Variants in CDC6 observed in about 807,000 individuals in gnomAD.
CDC6 encodes DNA replication factor CDC6.
CDC6 carries 46 observed loss-of-function variants against 60.2 expected under a neutral mutation model. That is an observed-to-expected ratio of 0.76 (90% CI 0.60 to 0.98). The LOEUF is 0.98. Among genes scored for constraint, CDC6 ranks in the 50% least tolerant of loss-of-function variants. The probability of loss-of-function intolerance (pLI) is 0.00; values close to 1 mark genes in which losing one functional copy is unlikely to be tolerated. For synonymous variants in CDC6, 210 were observed against 233.2 expected (o/e 0.90, Z 0.90); for missense variants, 596 against 652.9 (o/e 0.91, Z 0.95).
Position 40,293,610 on chromosome 17 carries a change from C to T in CDC6, c.815C>T (p.Thr272Ile). 6.2e-7 allele frequency: 1 copy of T among 1,613,388 alleles called. No individual in the cohort carries two copies. The highest frequency in any genetic ancestry group is 1.1e-5 in the South Asian group (1 of 91,056). Reference sequence around the variant, plus strand: ...ATGAGGAAATTGGAAAAACATATGACTGCAGAGAAGGGCCCCATGATGTAA... The same window carrying T: ...ATGAGGAAATTGGAAAAACATATGATTGCAGAGAAGGGCCCCATGATGTAA... Reference protein sequence around the residue: ...DMMRKLEKHMTAEKGPMIVLV... With the variant: ...DMMRKLEKHMIAEKGPMIVLV... Residue 272 changes from threonine to isoleucine, a missense_variant, in exon 5 of 12, where the codon ACT (threonine) becomes ATT (isoleucine). Physicochemically the swap from Thr to Ile is moderately conservative, Grantham distance 89. Transcript: ENST00000209728.
chr17:40,289,352 A>G (rs2143066011), intron 1 of CDC6, 56 bp from the exon 2 acceptor site: 2 of 1,320,332 alleles, frequency 1.5e-6, no homozygotes, highest in East Asian at 4.6e-5. Flanking sequence ...CATGTTAGTT[A>G]TTTTCTCTTC....
Position 40,302,630 on chromosome 17 carries a change from A to C in CDC6, c.*629A>C, listed in dbSNP as rs564984580. On this transcript the variant is annotated 3_prime_UTR_variant, in exon 12 of 12. Coordinates refer to ENST00000209728, the MANE Select transcript of CDC6 (RefSeq NM_001254.4). ...CTTGGCCTCCCTAAGTGCTGGGATTATAGGCGTGAGCCACCATGCTCAGCC... is the reference window on the plus strand; with the variant it reads ...CTTGGCCTCCCTAAGTGCTGGGATTCTAGGCGTGAGCCACCATGCTCAGCC... 6.6e-6 allele frequency: 1 copy of C among 152,580 alleles called. No individual in the cohort carries two copies. The highest frequency in any genetic ancestry group is 2.1e-4 in the South Asian group (1 of 4,840). 9.5% of individuals were successfully genotyped at this position (152,580 alleles called of 1,614,324 possible).
chr17:40,303,672 T>C lies in CDC6; in HGVS notation c.*1671T>C, dbSNP rs2032966926. On this transcript the variant is annotated 3_prime_UTR_variant, in exon 12 of 12. Transcript: ENST00000209728. ...GTTCCCTCTGAAGGTAGTTTGAACATGGAAACACAGTTCTATACCTAGAAG... is the reference window on the plus strand; with the variant it reads ...GTTCCCTCTGAAGGTAGTTTGAACACGGAAACACAGTTCTATACCTAGAAG... The C allele has an allele frequency of 6.6e-6, 1 of 152,244 alleles. No homozygotes were observed. The highest frequency in any genetic ancestry group is 2.4e-5 in the African/African-American group (1 of 41,464). 9.4% of individuals were successfully genotyped at this position (152,244 alleles called of 1,614,324 possible). A position where few individuals can be genotyped will look rare whatever the true frequency, so the allele number is the denominator to read the frequency against.
At chr17:40,293,393 G>A in intron 4 of CDC6, 63 bp from the exon 5 acceptor site, 3 of 1,262,604 alleles carry the variant, frequency 2.4e-6, no homozygotes, top group Non-Finnish European at 3.5e-6. Context: ...GACATTTTAG[G>A]CTCTATCAGA....
chr17:40,301,716 C>T (rs190680089), intron 11 of CDC6, 108 bp downstream of exon 11: 18 of 1,279,468 alleles, frequency 1.4e-5, no homozygotes, highest in Admixed American at 3.4e-5. Context: ...TTAAACAAGT[C>T]GTTTTTTGTT....
At chr17:40,289,363 A>G in intron 1 of CDC6, 45 bp from the exon 2 acceptor site, 1 of 1,417,634 alleles carries the variant, frequency 7.1e-7, no homozygotes, top group Non-Finnish European at 1.0e-6. Flanking sequence ...TTTTCTCTTC[A>G]CTTTCACATA....
At chr17:40,289,916 G>A (rs1246502615) in intron 2 of CDC6, among the ~76,000 whole-genome samples, 1 of 149,754 alleles carries the variant, frequency 6.7e-6, no homozygotes, top group Non-Finnish European at 1.5e-5. Context: ...TTGAGACAGG[G>A]TTTTGCCATA....
Position 40,302,417 on chromosome 17 carries a change from C to G in CDC6, c.*416C>G, listed in dbSNP as rs928087696. ...TTGCCCAGGCTGGAGTGCAATGGCG[C>G]GTTCTCTGCTCACTACAGCACCCGC... On this transcript the variant is annotated 3_prime_UTR_variant, in exon 12 of 12. Transcript: ENST00000209728. The G allele has an allele frequency of 1.9e-4, 43 of 222,026 alleles. No individual in the cohort carries two copies. The highest frequency in any genetic ancestry group is 1.0e-3 in the African/African-American group (43 of 42,436). 13.8% of individuals were successfully genotyped at this position (222,026 alleles called of 1,614,324 possible).
In CDC6 at chr17:40,302,362, G is replaced by A; in HGVS notation, c.*361G>A. The stretch of plus-strand genomic sequence containing the variant: ...TATTTTTTTGTTTGTTTTTTTTGTT[G>A]TTGTTGTTTTTGAGGCGCGTCTCAC... On this transcript the variant is annotated 3_prime_UTR_variant, in exon 12 of 12. Coordinates refer to ENST00000209728, the MANE Select transcript of CDC6 (RefSeq NM_001254.4). 3.8e-6 allele frequency: 1 copy of A among 262,740 alleles called. No homozygotes were observed. Among genetic ancestry groups the A allele is most frequent in the Non-Finnish European group, 7.3e-6 (1 of 136,098 alleles). 16.3% of individuals were successfully genotyped at this position (262,740 alleles called of 1,614,324 possible).
At chr17:40,301,296 A>G (rs4135030) in intron 10 of CDC6, among the ~76,000 whole-genome samples, 172 bp from the exon 11 acceptor site, 2,311 of 152,276 alleles carry the variant, frequency 0.015, 30 homozygotes, top group Non-Finnish European at 0.023. Flanking sequence ...ACATTACTGT[A>G]TAGGTTTTCG....
At chr17:40,294,133 C>CTGAA in intron 6 of CDC6, 77 bp downstream of exon 6, 1 of 1,202,108 alleles carries the variant, frequency 8.3e-7, no homozygotes, top group Non-Finnish European at 1.2e-6. Flanking sequence ...TATTTATCAG[C>CTGAA]TATTTTATCT....
chr17:40,294,595 T>G, intron 7 of CDC6, 92 bp downstream of exon 7: 2 of 1,252,870 alleles, frequency 1.6e-6, no homozygotes, highest in Non-Finnish European at 2.3e-6. Flanking sequence ...TTTGCCTTGA[T>G]TGCTTTATTA....
chr17:40,298,024 C>CT (rs1407027846), intron 9 of CDC6, among the ~76,000 whole-genome samples: 2 of 152,146 alleles, frequency 1.3e-5, no homozygotes, highest in African/African-American at 2.4e-5. Context: ...TTGATTGTTT[C>CT]TTTTTCACTC....
chr17:40,290,974 C>T (rs561623233), intron 2 of CDC6, 84 bp from the exon 3 acceptor site: 101 of 1,407,218 alleles, frequency 7.2e-5, no homozygotes, highest in Non-Finnish European at 9.9e-5. Flanking sequence ...AAATTCACCT[C>T]TTTCTGGAAG....
In CDC6 at chr17:40,294,376, C is replaced by T. The variant is rs1322980850; in HGVS notation, c.956C>T (p.Thr319Ile). ...SHLVLIGIAN[T>I]LDLTDRILPR... ...ATCTCCTCCTTAGGTATTGCTAATA[C>T]CCTGGATCTCACAGATAGAATTCTA... Residue 319 changes from threonine (T) to isoleucine (I), a missense_variant, in exon 7 of 12, where the codon ACC (threonine) becomes ATC (isoleucine). Thr to Ile is a moderately conservative substitution (Grantham distance 89). Coordinates refer to ENST00000209728, the MANE Select transcript of CDC6 (RefSeq NM_001254.4). 6 of 1,608,410 alleles carry T rather than the reference C, an allele frequency of 3.7e-6. No individual in the cohort carries two copies. The highest frequency in any genetic ancestry group is 5.1e-6 in the Non-Finnish European group (6 of 1,175,030).
At chr17:40,300,230 C>G (rs893049045) in intron 9 of CDC6, among the ~76,000 whole-genome samples, 3 of 152,250 alleles carry the variant, frequency 2.0e-5, no homozygotes, top group Admixed American at 6.5e-5. Context: ...TCCCAAAGTG[C>G]TGGGATTACA....
chr17:40,296,705 G>A lies in CDC6; in HGVS notation c.1187G>A (p.Arg396Lys). The change falls in exon 9 of 12, where the codon AGA (arginine) becomes AAA (lysine). Residue 396 changes from arginine to lysine, a missense_variant and splice_region_variant. Transcript: ENST00000209728. Reference sequence around the variant, plus strand: ...AATTTTAGAAATTTTTTTTATAGGAGAGCTATTGAAATTGTAGAGTCAGAT... The same window carrying A: ...AATTTTAGAAATTTTTTTTATAGGAAAGCTATTGAAATTGTAGAGTCAGAT... ...DVRKALDVCR[R>K]AIEIVESDVK... is the part of the protein sequence containing the mutation. The A allele has an allele frequency of 1.3e-6, 2 of 1,585,578 alleles. No individual in the cohort carries two copies. The highest frequency in any genetic ancestry group is 1.7e-6 in the Non-Finnish European group (2 of 1,154,158).
intron 8 of CDC6, among the ~76,000 whole-genome samples, chr17:40,296,318 A>G (rs2032858433): frequency 6.6e-6 from 1 of 152,124 alleles, no homozygotes; most frequent in Non-Finnish European, 1.5e-5. Context: ...AGTCACCCAC[A>G]CTACATATCC....
chr17:40,293,386 AT>A, intron 4 of CDC6, 69 bp from the exon 5 acceptor site: 1 of 1,205,838 alleles, frequency 8.3e-7, no homozygotes, highest in Non-Finnish European at 1.2e-6. Context: ...CTTCAAAGAC[AT>A]TTTAGGCTCT....
Sources: allele counts gnomAD v4.1 joint callset (sites outside exome capture counted in the v4.1 genomes callset), GRCh38; gene constraint gnomAD v4.1.1; transcripts MANE v1.5; gene names NCBI Gene and HGNC (gene_info 2026-07-23, HGNC 2026-07-21).